KRT25: variants seen among roughly 807,000 people sequenced by gnomAD.
The protein encoded by KRT25 is keratin, type I cytoskeletal 25.
Under a neutral mutation model 47.6 loss-of-function variants are expected in KRT25, and 37 were observed. The ratio of observed to expected loss-of-function variants is 0.78; its 90% CI spans 0.60 to 1.02. The LOEUF (loss-of-function observed/expected upper bound fraction) is 1.02, where lower values mean the gene tolerates loss of function less well. Among genes scored for constraint, KRT25 ranks in the 50% least tolerant of loss-of-function variants. The probability of loss-of-function intolerance (pLI) is 0.00; values close to 1 mark genes in which losing one functional copy is unlikely to be tolerated. For synonymous variants in KRT25, 203 were observed against 210.2 expected, an observed-to-expected ratio of 0.97 and a Z score of 0.30; for missense variants, 542 against 550.3, an observed-to-expected ratio of 0.98 and a Z score of 0.15.
chr17:40,749,204 TAA>T (rs1395694523), intron 7 of KRT25, 52 bp downstream of exon 7: 8 of 1,381,334 alleles, frequency 5.8e-6, no homozygotes, highest in Admixed American at 1.7e-5. Context: ...AAACCTAAAT[TAA>T]AAGTTAAAAA....
At chr17:40,754,295 G>GT in intron 2 of KRT25, 91 bp downstream of exon 2, 1 of 1,071,028 alleles carries the variant, frequency 9.3e-7, no homozygotes, top group Non-Finnish European at 1.4e-6. Flanking sequence ...AAATTCAAGT[G>GT]TTTTATAATT....
chr17:40,752,710 A>G (rs758978893), intron 3 of KRT25, among the ~76,000 whole-genome samples: 10 of 152,238 alleles, frequency 6.6e-5, no homozygotes, highest in Non-Finnish European at 1.3e-4. Flanking sequence ...AAAATTGATT[A>G]AACACCATGG....
chr17:40,751,049 C>A lies in KRT25; in HGVS notation c.862G>T (p.Asp288Tyr), dbSNP rs756174736. ...SASLQQQISE[D>Y]VGATTSARNE... Reference sequence around the variant, plus strand: ...CGGGCTGAGGTTGTGGCTCCGACATCCTCAGAGATCTGCTGCTGCAGGGAG... The same window carrying A: ...CGGGCTGAGGTTGTGGCTCCGACATACTCAGAGATCTGCTGCTGCAGGGAG... Residue 288 changes from aspartate to tyrosine, a missense_variant, in exon 5 of 8, where the codon GAT becomes TAT. By Grantham distance (160) the Asp-to-Tyr change is radical. Transcript: ENST00000312150. 1 of 1,614,148 alleles carries A rather than the reference C, an allele frequency of 6.2e-7. No homozygotes were observed. Among genetic ancestry groups the A allele is most frequent in the Non-Finnish European group, 8.5e-7 (1 of 1,180,030 alleles).
At chr17:40,752,566 G>C (rs1472330962) in intron 3 of KRT25, among the ~76,000 whole-genome samples, 1 of 151,694 alleles carries the variant, frequency 6.6e-6, no homozygotes, top group Non-Finnish European at 1.5e-5. Flanking sequence ...AAAACTTCCT[G>C]GTTCAAGCAT....
chr17:40,754,373 G>A lies in KRT25; in HGVS notation c.512+13C>T, dbSNP rs1427459272. 2 of 1,603,986 alleles carry A rather than the reference G, an allele frequency of 1.2e-6. No homozygotes were observed. Among genetic ancestry groups the A allele is most frequent in the Admixed American group, 3.3e-5 (2 of 59,936 alleles). On this transcript the variant is annotated intron_variant, in intron 2 of 7. Coordinates refer to ENST00000312150, the MANE Select transcript of KRT25 (RefSeq NM_181534.4). ...ATTGCCATGAATTCATTTCACTCTG[G>A]CAGTCTACTTACTTGAGTCTGAAAT...
Position 40,753,847 on chromosome 17 carries a change from G to A in KRT25, c.669+13C>T, listed in dbSNP as rs1400133402. 6 of 1,612,338 alleles carry A rather than the reference G, an allele frequency of 3.7e-6. No homozygotes were observed. Among genetic ancestry groups the A allele is most frequent in the South Asian group, 3.3e-5 (3 of 90,906 alleles). ...TGCGGAGGGATAGCAAAATGTAGAC[G>A]ACCAGCTCTTACCTCTTTATGGTTC... is the stretch of plus-strand genomic sequence containing the variant. On this transcript the variant is annotated intron_variant, in intron 3 of 7. Coordinates refer to ENST00000312150, the MANE Select transcript of KRT25 (RefSeq NM_181534.4).
intron 2 of KRT25, 53 bp downstream of exon 2, chr17:40,754,333 T>G: frequency 7.1e-7 from 1 of 1,403,776 alleles, no homozygotes; most frequent in Non-Finnish European, 1.0e-6. Context: ...AAATTTGATG[T>G]AATGCGTTGC....
chr17:40,751,267 G>A lies in KRT25; in HGVS notation c.729C>T (p.Ala243=). ...GGNVNVEMNA[A]PGVDLTVLLN... is the part of the protein sequence containing the mutation. ...GCAGAACTGTGAGGTCCACCCCGGG[G>A]GCTGCGTTCATCTCCACGTTCACGT... Residue 243 remains alanine (A), a synonymous_variant, in exon 4 of 8, where the codon GCC becomes GCT. Transcript: ENST00000312150. 1 of 1,614,150 alleles carries A rather than the reference G, an allele frequency of 6.2e-7. No individual in the cohort carries two copies. The highest frequency in any genetic ancestry group is 8.5e-7 in the Non-Finnish European group (1 of 1,180,022).
At chr17:40,753,659 G>A (rs2038073111) in intron 3 of KRT25, among the ~76,000 whole-genome samples, 1 of 115,030 alleles carries the variant, frequency 8.7e-6, no homozygotes, top group Non-Finnish European at 1.6e-5. Context: ...ACTTCAGCCT[G>A]GACGGCAGAG....
rs79072355 is a variant in KRT25, at chr17:40,753,206, A to G, written c.669+654T>C. ...TCTAGTTTAAGGATGGCCTTAAAGT[A>G]TATTTATTTTATATTTATTTTATCT... On this transcript the variant is annotated intron_variant, in intron 3 of 7. Coordinates refer to ENST00000312150, the MANE Select transcript of KRT25 (RefSeq NM_181534.4). Among the ~76,000 whole-genome samples the G allele has an allele frequency of 7.4e-3, 1,128 of 152,236 alleles. 12 individuals are homozygous for G. The highest frequency in any genetic ancestry group is 0.026 in the African/African-American group (1,082 of 41,532).
At chr17:40,754,246 A>T in intron 2 of KRT25, 140 bp downstream of exon 2, 3 of 791,474 alleles carry the variant, frequency 3.8e-6, no homozygotes, top group African/African-American at 1.7e-5. Flanking sequence ...TGTATTTAAT[A>T]GTCAAAGCAT....
In KRT25 at chr17:40,754,562, A is replaced by G. The variant is rs1365029321; in HGVS notation, c.430-94T>C. ...GCTAAATTGGAATTCTCTTTAAGAA[A>G]TCACAAGTAGGAGGGCATGGTGGCA... On this transcript the variant is annotated intron_variant, in intron 1 of 7. Transcript: ENST00000312150. The G allele has an allele frequency of 2.6e-6, 3 of 1,175,322 alleles. No individual in the cohort carries two copies. In the African/African-American group the frequency reaches 4.5e-5, roughly 18 times the overall value. 72.8% of individuals were successfully genotyped at this position (1,175,322 alleles called of 1,614,324 possible). A position where few individuals can be genotyped will look rare whatever the true frequency, so the allele number is the denominator to read the frequency against.
At position 40,755,173 on chromosome 17, in the gene KRT25, T is replaced by A; in HGVS notation, c.99A>T (p.Gly33=). 1 of 1,614,212 alleles carries A rather than the reference T, an allele frequency of 6.2e-7. No homozygotes were observed. Among genetic ancestry groups the A allele is most frequent in the Non-Finnish European group, 8.5e-7 (1 of 1,180,030 alleles). Residue 33 remains glycine, a synonymous_variant, in exon 1 of 8, where the codon GGA becomes GGT. Transcript: ENST00000312150. The part of the protein sequence containing the change: ...LYGGGTSFGT[G]NSCGISGIGS... ...CAATCCCTGAAATGCCACAAGAATT[T>A]CCAGTACCAAAGCTGGTTCCCCCAC...
At chr17:40,750,256 T>C (rs2038033041) in intron 6 of KRT25, 124 bp downstream of exon 6, 1 of 888,680 alleles carries the variant, frequency 1.1e-6, no homozygotes. Context: ...TTATATTTAA[T>C]ATTTAGTATT....
At position 40,751,260 on chromosome 17, in the gene KRT25, C is replaced by T. The variant is rs200692586; in HGVS notation, c.736G>A (p.Val246Met). ...TTGTTCAGCAGAACTGTGAGGTCCACCCCGGGGGCTGCGTTCATCTCCACG... is the reference window on the plus strand; with the variant it reads ...TTGTTCAGCAGAACTGTGAGGTCCATCCCGGGGGCTGCGTTCATCTCCACG... ...VNVEMNAAPG[V>M]DLTVLLNNMR... Residue 246 changes from valine to methionine, a missense_variant, in exon 4 of 8, where the codon GTG becomes ATG. Physicochemically the swap from Val to Met is conservative, Grantham distance 21. Coordinates refer to ENST00000312150, the MANE Select transcript of KRT25 (RefSeq NM_181534.4). 1.3e-4 allele frequency: 211 copies of T among 1,614,174 alleles called. No homozygotes were observed. Among genetic ancestry groups the T allele is most frequent in the Middle Eastern group, 9.9e-4 (6 of 6,062 alleles).
intron 2 of KRT25, 90 bp downstream of exon 2, chr17:40,754,296 T>G (rs937211646): frequency 9.3e-7 from 1 of 1,076,398 alleles, no homozygotes; most frequent in Non-Finnish European, 1.4e-6. Flanking sequence ...AATTCAAGTG[T>G]TTTATAATTT....
rs779629649 is a variant in KRT25, at chr17:40,754,457, G to A, written c.441C>T (p.Ser147=). 6.2e-7 allele frequency: 1 copy of A among 1,613,516 alleles called. No individual in the cohort carries two copies. Among genetic ancestry groups the A allele is most frequent in the African/African-American group, 1.3e-5 (1 of 75,000 alleles). ...IDDLKNQIIA[S]TTSNANAVLQ... is the part of the protein sequence containing the mutation. ...GAACAGCATTAGCATTGCTGGTGGT[G>A]GATGCGATGATCTAGAAATGGGAAT... Residue 147 remains serine, a synonymous_variant, in exon 2 of 8, where the codon TCC becomes TCT. Coordinates refer to ENST00000312150, the MANE Select transcript of KRT25 (RefSeq NM_181534.4).
chr17:40,754,516 T>C (rs1459265609), intron 1 of KRT25, 48 bp from the exon 2 acceptor site: 1 of 1,447,196 alleles, frequency 6.9e-7, no homozygotes. Context: ...CAACTGAATC[T>C]ACTTAATGCT....
At position 40,753,899 on chromosome 17, in the gene KRT25, C is replaced by T; in HGVS notation, c.630G>A (p.Leu210=). The change falls in exon 3 of 8, where the codon CTG becomes CTA. Residue 210 remains leucine (L), a synonymous_variant. Transcript: ENST00000312150. ...TTTTGAGGTAAGTCATCTCCTCACT[C>T]AGGGTTTCATACTGAATCTCCAGAT... The part of the protein sequence containing the change: ...RTDLEIQYET[L]SEEMTYLKKN... 1 of 1,614,008 alleles carries T rather than the reference C, an allele frequency of 6.2e-7. No homozygotes were observed. Among genetic ancestry groups the T allele is most frequent in the Non-Finnish European group, 8.5e-7 (1 of 1,179,984 alleles).
Sources: gnomAD v4.1 joint callset for allele counts (sites outside exome capture counted in the v4.1 genomes callset) on GRCh38, gnomAD v4.1.1 for gene constraint, MANE v1.5 for transcripts, NCBI Gene and HGNC (gene_info 2026-07-23, HGNC 2026-07-21) for gene names.